Variants in IL1RAPL1 observed in about 807,000 individuals in gnomAD.
IL1RAPL1 encodes the protein interleukin-1 receptor accessory protein-like 1.
A neutral mutation model predicts 48.4 loss-of-function variants in IL1RAPL1; 3 were observed. The ratio of observed to expected loss-of-function variants is 0.06; its 90% CI spans 0.03 to 0.16. IL1RAPL1 has a LOEUF of 0.16. IL1RAPL1 is among the 10% of genes least tolerant of loss of function. The probability of loss-of-function intolerance (pLI) is 1.00; values close to 1 mark genes in which losing one functional copy is unlikely to be tolerated. For synonymous variants in IL1RAPL1, 185 were observed against 187.7 expected (o/e 0.99, Z 0.12); for missense variants, 349 against 530.6 (o/e 0.66, Z 3.36).
intron 5 of IL1RAPL1, among the ~76,000 whole-genome samples, chrX:29,461,611 G>A (rs772106662): frequency 6.3e-5 from 7 of 111,005 alleles, no homozygotes; most frequent in African/African-American, 1.6e-4. Flanking sequence ...TAAACTCTCC[G>A]AATGTCCATC....
intron 1 of IL1RAPL1, among the ~76,000 whole-genome samples, chrX:28,604,715 G>C (rs1339575659): frequency 4.6e-5 from 3 of 65,714 alleles, no homozygotes; most frequent in Non-Finnish European, 7.7e-5. Flanking sequence ...GACAGAGCGA[G>C]ACTCAAAAAA....
rs1055229415 is a variant in IL1RAPL1 at position 28,732,593 on chromosome X, T to A, written c.-24-56727T>A. Among the ~76,000 whole-genome samples, 4 of 112,181 alleles carry A rather than the reference T, an allele frequency of 3.6e-5. No individual in the cohort carries two copies. The East Asian group carries it at 1.1e-3, about 31-fold the overall frequency. On this transcript the variant is annotated intron_variant, in intron 1 of 10. Transcript: ENST00000378993. The stretch of plus-strand genomic sequence containing the variant: ...TAGTTTAAGCATTCTTTCTGCTACC[T>A]CATTTGGATTAATAGTTTGTTTCAT...
chrX:29,059,461 A>G (rs1368472318), intron 2 of IL1RAPL1, among the ~76,000 whole-genome samples: 4 of 112,206 alleles, frequency 3.6e-5, no homozygotes, highest in African/African-American at 1.3e-4. Context: ...ACCTAAAACT[A>G]TAGTTTTCAT....
intron 7 of IL1RAPL1, among the ~76,000 whole-genome samples, chrX:29,918,059 G>A (rs1932812845): frequency 1.2e-5 from 1 of 86,768 alleles, no homozygotes; most frequent in Non-Finnish European, 2.2e-5. Flanking sequence ...GGAGGCAGAG[G>A]CTGCAGTGAG....
rs138785716 is a variant in IL1RAPL1, at chrX:28,778,195, A to G, written c.-24-11125A>G. Among the ~76,000 whole-genome samples, 922 of 112,205 alleles carry G rather than the reference A, an allele frequency of 8.2e-3. 10 individuals are homozygous for G. The highest frequency in any genetic ancestry group is 0.014 in the Non-Finnish European group (749 of 53,176). On this transcript the variant is annotated intron_variant, in intron 1 of 10. Transcript: ENST00000378993. ...GAAAAATAAAACTAAAAAATTTGCCACGTGTAACAAACATCATATATTAGA... is the reference window on the plus strand; with the variant it reads ...GAAAAATAAAACTAAAAAATTTGCCGCGTGTAACAAACATCATATATTAGA...
chrX:29,443,230 T>C (rs201598985), intron 5 of IL1RAPL1, among the ~76,000 whole-genome samples: 1 of 36,793 alleles, frequency 2.7e-5, no homozygotes. Flanking sequence ...TGCTCTCGCT[T>C]GCTCTCTCTC....
At chrX:28,937,486 T>A (rs1924046942) in intron 2 of IL1RAPL1, among the ~76,000 whole-genome samples, 2 of 111,275 alleles carry the variant, frequency 1.8e-5, no homozygotes, top group African/African-American at 6.5e-5. Flanking sequence ...TCCCGAAACA[T>A]TAAAAATTAA....
At chrX:29,350,252 A>AC (rs762325404) in intron 3 of IL1RAPL1, among the ~76,000 whole-genome samples, 2,173 of 41,422 alleles carry the variant, frequency 0.052, 143 homozygotes, top group African/African-American at 0.17. Context: ...GTTTGGATAC[A>AC]CCCCCCCCCC....
intron 3 of IL1RAPL1, among the ~76,000 whole-genome samples, chrX:29,347,745 G>A (rs1383544410): frequency 9.0e-6 from 1 of 111,261 alleles, no homozygotes; most frequent in Non-Finnish European, 1.9e-5. Context: ...GCACTTTATG[G>A]CTTCTCTTTG....
At chrX:29,434,513 A>G (rs1934458906) in intron 5 of IL1RAPL1, among the ~76,000 whole-genome samples, 1 of 110,745 alleles carries the variant, frequency 9.0e-6, no homozygotes, top group Non-Finnish European at 1.9e-5. Context: ...TAGTTGTCAC[A>G]CTGTTTTTTG....
chrX:29,458,354 T>C (rs5971494), intron 5 of IL1RAPL1, among the ~76,000 whole-genome samples: 51,699 of 110,358 alleles, frequency 0.47, 8,840 homozygotes, highest in East Asian at 0.74. Context: ...AAATATTTTG[T>C]TGTAGTAAGT....
At chrX:29,707,658 T>C (rs1280758371) in intron 6 of IL1RAPL1, among the ~76,000 whole-genome samples, 2 of 111,948 alleles carry the variant, frequency 1.8e-5, no homozygotes, top group Admixed American at 1.9e-4. Flanking sequence ...AATTGGAAAC[T>C]ATTATTCTAA....
intron 6 of IL1RAPL1, among the ~76,000 whole-genome samples, chrX:29,873,411 C>T (rs1441487614): frequency 2.9e-5 from 3 of 104,947 alleles, no homozygotes; most frequent in African/African-American, 1.0e-4. Context: ...AAAGCTAATC[C>T]CTAATGCAAT....
At chrX:29,803,085 G>GTATATGTATACATGTATACATATATGTA (rs1569173583) in intron 6 of IL1RAPL1, among the ~76,000 whole-genome samples, 3 of 81,281 alleles carry the variant, frequency 3.7e-5, no homozygotes, top group African/African-American at 1.6e-4. Flanking sequence ...ACATATATGT[G>GTATATGTATACATGTATACATATATGTA]TATATGTATA....
At chrX:29,203,722 A>AATATATATATATAT (rs56950481) in intron 2 of IL1RAPL1, among the ~76,000 whole-genome samples, 58 of 78,386 alleles carry the variant, frequency 7.4e-4, no homozygotes, top group African/African-American at 2.8e-3. Context: ...TCCGTCTCAA[A>AATATATATATATAT]ATATATATAT....
intron 2 of IL1RAPL1, among the ~76,000 whole-genome samples, chrX:29,013,010 T>G (rs1472124238): frequency 1.8e-5 from 2 of 111,443 alleles, no homozygotes; most frequent in African/African-American, 6.5e-5. Context: ...ACTTTAACAG[T>G]ATGATCCTGC....
chrX:29,856,931 T>A (rs892598248), intron 6 of IL1RAPL1, among the ~76,000 whole-genome samples: 2 of 111,579 alleles, frequency 1.8e-5, no homozygotes, highest in African/African-American at 6.5e-5. Flanking sequence ...CTAGTATATA[T>A]TGCTTGCCTA....
chrX:28,843,609 AAATG>A (rs1438974054), intron 2 of IL1RAPL1, among the ~76,000 whole-genome samples: 1 of 112,251 alleles, frequency 8.9e-6, no homozygotes, highest in Non-Finnish European at 1.9e-5. Context: ...ATTTTGGATA[AAATG>A]AATCTTTGGA....
At chrX:29,319,004 G>A (rs924001052) in intron 3 of IL1RAPL1, among the ~76,000 whole-genome samples, 1 of 111,267 alleles carries the variant, frequency 9.0e-6, no homozygotes, top group African/African-American at 3.3e-5. Flanking sequence ...TCCATTTTAA[G>A]TGACAATAAG....
Sources: gnomAD v4.1 joint callset for allele counts (sites outside exome capture counted in the v4.1 genomes callset) on GRCh38, gnomAD v4.1.1 for gene constraint, MANE v1.5 for transcripts, NCBI Gene and HGNC (gene_info 2026-07-23, HGNC 2026-07-21) for gene names.